The following RSPO2 variants were observed in gnomAD, a reference collection of about 807,000 sequenced individuals.
RSPO2 encodes R-spondin-2.
In RSPO2, 14 loss-of-function variants were observed where a neutral mutation model predicts 30.9. The ratio of observed to expected loss-of-function variants is 0.45; its 90% CI spans 0.30 to 0.71. The LOEUF (loss-of-function observed/expected upper bound fraction) is 0.71. Ranked by LOEUF, RSPO2 falls within the 30% of genes least tolerant of loss-of-function variation. The pLI, the probability that RSPO2 is intolerant of heterozygous loss-of-function variation, is 0.08. For synonymous variants in RSPO2, 107 were observed against 96.4 expected, an observed-to-expected ratio of 1.11 and a Z score of -0.64; for missense variants, 264 against 301.9, an observed-to-expected ratio of 0.87 and a Z score of 0.93.
chr8:107,909,595 G>A (rs1166915704), intron 5 of RSPO2, among the ~76,000 whole-genome samples: 1 of 152,058 alleles, frequency 6.6e-6, no homozygotes, highest in Non-Finnish European at 1.5e-5. Context: ...CATTTTTCAA[G>A]TTATTGAGTC....
At chr8:108,071,544 C>G (rs1812845617) in intron 2 of RSPO2, among the ~76,000 whole-genome samples, 1 of 152,208 alleles carries the variant, frequency 6.6e-6, no homozygotes, top group African/African-American at 2.4e-5. Flanking sequence ...CACAAGATAT[C>G]TTTCATCAGT....
chr8:108,077,915 T>A (rs1813063428), intron 2 of RSPO2, among the ~76,000 whole-genome samples: 1 of 152,126 alleles, frequency 6.6e-6, no homozygotes, highest in Non-Finnish European at 1.5e-5. Flanking sequence ...CAAGCTTATA[T>A]CAAATAAAAT....
At chr8:108,047,775 CG>C (rs1811949342) in intron 2 of RSPO2, among the ~76,000 whole-genome samples, 1 of 151,330 alleles carries the variant, frequency 6.6e-6, no homozygotes, top group South Asian at 2.1e-4. Flanking sequence ...TGCTTGAACC[CG>C]GGAGGCAGAG....
At chr8:108,054,881 G>A (rs1291232333) in intron 2 of RSPO2, among the ~76,000 whole-genome samples, 1 of 152,100 alleles carries the variant, frequency 6.6e-6, no homozygotes, top group Admixed American at 6.5e-5. Flanking sequence ...TGGAAGCCTG[G>A]GGTGGGCAGA....
chr8:107,911,117 G>A (rs909398199), intron 5 of RSPO2, among the ~76,000 whole-genome samples: 15 of 152,170 alleles, frequency 9.9e-5, no homozygotes, highest in South Asian at 2.1e-4. Flanking sequence ...GCTCCCCCAC[G>A]GCTTCTGGCC....
chr8:107,988,009 CT>C (rs1814708597), intron 3 of RSPO2, among the ~76,000 whole-genome samples: 1 of 151,992 alleles, frequency 6.6e-6, no homozygotes, highest in Admixed American at 6.6e-5. Flanking sequence ...CTGTGGTCCC[CT>C]TTTTCTTATC....
chr8:108,068,599 G>T (rs1370476403), intron 2 of RSPO2, among the ~76,000 whole-genome samples: 1 of 152,210 alleles, frequency 6.6e-6, no homozygotes, highest in African/African-American at 2.4e-5. Context: ...CAGTGCCTGT[G>T]AATGTGGCCT....
At chr8:107,998,493 A>C (rs147572685) in intron 2 of RSPO2, among the ~76,000 whole-genome samples, 21 of 152,342 alleles carry the variant, frequency 1.4e-4, no homozygotes, top group African/African-American at 4.8e-4. Context: ...ATAAATATTT[A>C]AATATCAAAC....
At chr8:107,997,300 A>G (rs1470034877) in intron 2 of RSPO2, 3 of 155,670 alleles carry the variant, frequency 1.9e-5, no homozygotes, top group Non-Finnish European at 4.2e-5. Context: ...CAGGATCTTC[A>G]TAAGTTGAAT....
intron 2 of RSPO2, among the ~76,000 whole-genome samples, chr8:108,054,456 C>A (rs893964929): frequency 2.6e-5 from 4 of 152,056 alleles, no homozygotes; most frequent in Admixed American, 6.6e-5. Flanking sequence ...TGGGGCCAGG[C>A]CTGGAAGTAG....
intron 5 of RSPO2, among the ~76,000 whole-genome samples, chr8:107,933,548 C>T (rs1812618298): frequency 1.3e-5 from 2 of 152,068 alleles, no homozygotes; most frequent in South Asian, 4.2e-4. Flanking sequence ...TTGATGAAAC[C>T]CATGAACAGA....
chr8:107,953,793 C>CA (rs932593589), intron 5 of RSPO2, among the ~76,000 whole-genome samples: 5 of 151,738 alleles, frequency 3.3e-5, no homozygotes, highest in African/African-American at 9.7e-5. Flanking sequence ...AAGGATGCTC[C>CA]AAAAAAAATT....
chr8:108,077,728 A>G (rs1031574157), intron 2 of RSPO2, among the ~76,000 whole-genome samples: 2 of 152,130 alleles, frequency 1.3e-5, no homozygotes, highest in Non-Finnish European at 2.9e-5. Context: ...TTTTCTATTT[A>G]TTCTGGATGA....
intron 2 of RSPO2, among the ~76,000 whole-genome samples, chr8:108,025,807 C>T (rs1811199086): frequency 6.6e-6 from 1 of 152,082 alleles, no homozygotes; most frequent in South Asian, 2.1e-4. Flanking sequence ...CAGATGTGAG[C>T]CACTACACCT....
intron 3 of RSPO2, among the ~76,000 whole-genome samples, chr8:107,963,763 TAA>T (rs1813709069): frequency 6.6e-6 from 1 of 152,100 alleles, no homozygotes. Context: ...GTGACCTACT[TAA>T]GTTTACTCAA....
At chr8:107,903,981 A>G (rs2130246287) in intron 5 of RSPO2, among the ~76,000 whole-genome samples, 1 of 152,208 alleles carries the variant, frequency 6.6e-6, no homozygotes, top group Admixed American at 6.5e-5. Context: ...AACGTAACAT[A>G]CAGAAAGGGT....
At chr8:107,988,043 G>C (rs1009260099) in intron 3 of RSPO2, among the ~76,000 whole-genome samples, 1 of 151,822 alleles carries the variant, frequency 6.6e-6, no homozygotes, top group Non-Finnish European at 1.5e-5. Flanking sequence ...TAAAATTTGA[G>C]TTCCTTAAAG....
chr8:108,072,032 G>A (rs1812862378), intron 2 of RSPO2, among the ~76,000 whole-genome samples: 1 of 152,088 alleles, frequency 6.6e-6, no homozygotes, highest in Admixed American at 6.5e-5. Context: ...TACCCCCAAA[G>A]AGTTATATTT....
chr8:108,042,941 A>G (rs73307338), intron 2 of RSPO2, among the ~76,000 whole-genome samples: 4,555 of 152,222 alleles, frequency 0.03, 215 homozygotes, highest in African/African-American at 0.1. Flanking sequence ...TTCATACTCC[A>G]TATCAACCAC....
Sources: gnomAD v4.1 joint callset for allele counts (sites outside exome capture counted in the v4.1 genomes callset) on GRCh38, gnomAD v4.1.1 for gene constraint, MANE v1.5 for transcripts, NCBI Gene and HGNC (gene_info 2026-07-23, HGNC 2026-07-21) for gene names.